IDO2: variants seen among roughly 807,000 people sequenced by gnomAD.
The protein encoded by IDO2 is indoleamine 2,3-dioxygenase 2.
IDO2 carries 46 observed loss-of-function variants against 45.1 expected under a neutral mutation model. The ratio of observed to expected loss-of-function variants is 1.02; its 90% CI spans 0.80 to 1.30. The LOEUF (loss-of-function observed/expected upper bound fraction) is 1.30, where lower values mean the gene tolerates loss of function less well. Among genes scored for constraint, IDO2 ranks in the 50% most tolerant of loss-of-function variants. The pLI is 0.00. For synonymous variants in IDO2, 218 were observed against 184.9 expected, an observed-to-expected ratio of 1.18 and a Z score of -1.45; for missense variants, 544 against 491.8, an observed-to-expected ratio of 1.11 and a Z score of -1.00.
intron 8 of IDO2, among the ~76,000 whole-genome samples, chr8:39,992,998 G>T (rs942789771): frequency 2.0e-5 from 3 of 151,958 alleles, no homozygotes; most frequent in African/African-American, 7.3e-5. Flanking sequence ...GAACCAGCCC[G>T]GTCTATTTTC....
At chr8:40,008,864 G>A (rs1802262140) in intron 9 of IDO2, among the ~76,000 whole-genome samples, 2 of 152,164 alleles carry the variant, frequency 1.3e-5, no homozygotes, top group Non-Finnish European at 2.9e-5. Context: ...TAGCTAAGTG[G>A]CCAGTACCGA....
intron 8 of IDO2, among the ~76,000 whole-genome samples, chr8:40,001,947 G>A (rs967984052): frequency 6.6e-6 from 1 of 152,060 alleles, no homozygotes; most frequent in South Asian, 2.1e-4. Context: ...CACCACACCA[G>A]TCTAATTTTT....
intron 8 of IDO2, among the ~76,000 whole-genome samples, chr8:39,990,147 A>G (rs1430970838): frequency 1.3e-5 from 2 of 152,172 alleles, no homozygotes; most frequent in Non-Finnish European, 2.9e-5. Context: ...TGGGATGCAC[A>G]GTAATGTTGG....
intron 6 of IDO2, chr8:39,986,293 C>G (rs964391501): frequency 1.3e-5 from 2 of 152,244 alleles, no homozygotes; most frequent in African/African-American, 4.8e-5. Flanking sequence ...CTCCGCTTCT[C>G]CTGGAAAACA....
chr8:40,014,264 G>C (rs1234495240), intron 10 of IDO2, among the ~76,000 whole-genome samples: 7 of 152,154 alleles, frequency 4.6e-5, no homozygotes, highest in Admixed American at 4.6e-4. Flanking sequence ...AGAAGAAAAA[G>C]AATCACCAGA....
Position 39,989,862 on chromosome 8 carries a change from A to C in IDO2, c.667+24A>C, listed in dbSNP as rs900951593. The C allele has an allele frequency of 2.0e-6, 3 of 1,513,508 alleles. No homozygotes were observed. The Admixed American group carries it at 5.8e-5, about 29-fold the overall frequency. The allele number at this position is 1,513,508 out of a possible 1,614,324, so 93.8% of individuals were successfully genotyped here. A position where few individuals can be genotyped will look rare whatever the true frequency, so the allele number is the denominator to read the frequency against. On this transcript the variant is annotated intron_variant, in intron 8 of 10. Coordinates refer to ENST00000502986, the Ensembl canonical transcript of IDO2. ...TGGTAAGATGCTTCCGAAGCTCCTGAAGGATCCCCCAGGGGTCCTGGGCTC... is the reference window on the plus strand; with the variant it reads ...TGGTAAGATGCTTCCGAAGCTCCTGCAGGATCCCCCAGGGGTCCTGGGCTC...
intron 8 of IDO2, among the ~76,000 whole-genome samples, chr8:40,004,290 T>C (rs1802181841): frequency 1.3e-5 from 2 of 151,922 alleles, no homozygotes; most frequent in South Asian, 2.1e-4. Flanking sequence ...TCAGAGAAAT[T>C]AGGGAGCAGG....
At chr8:39,971,121 T>C (rs2129594096) in intron 3 of IDO2, among the ~76,000 whole-genome samples, 1 of 152,260 alleles carries the variant, frequency 6.6e-6, no homozygotes, top group Non-Finnish European at 1.5e-5. Context: ...AGGCTGACTC[T>C]CTTGTTAGGG....
At chr8:39,949,402 G>A (rs1432914934) in intron 2 of IDO2, 138 bp downstream of exon 2, 2 of 630,150 alleles carry the variant, frequency 3.2e-6, no homozygotes, top group African/African-American at 1.9e-5. Flanking sequence ...ATGCTACAAA[G>A]AGCATAGATT....
intron 9 of IDO2, among the ~76,000 whole-genome samples, chr8:40,012,281 T>C (rs1802320756): frequency 6.6e-6 from 1 of 152,178 alleles, no homozygotes; most frequent in African/African-American, 2.4e-5. Context: ...TTTCTGGCTA[T>C]AGGAGGAAAA....
chr8:39,993,991 AGTGAGACTCT>A (rs1310727078), intron 8 of IDO2, among the ~76,000 whole-genome samples: 10 of 152,282 alleles, frequency 6.6e-5, no homozygotes, highest in African/African-American at 2.4e-4. Flanking sequence ...TGGGCGACAG[AGTGAGACTCT>A]GTCCCCAAAA....
At chr8:39,972,609 C>CAAAAAAAAA (rs35394460) in intron 3 of IDO2, among the ~76,000 whole-genome samples, 4 of 34,544 alleles carry the variant, frequency 1.2e-4, no homozygotes, top group African/African-American at 2.3e-4. Flanking sequence ...GACTCCATCT[C>CAAAAAAAAA]AAAAAAAAAA....
At chr8:39,937,342 G>A (rs1585391148) in intron 1 of IDO2, among the ~76,000 whole-genome samples, 1 of 152,058 alleles carries the variant, frequency 6.6e-6, no homozygotes, top group African/African-American at 2.4e-5. Context: ...AAATTGCAGT[G>A]TCTTTCATCT....
At chr8:39,982,556 G>A in intron 4 of IDO2, 96 bp from the exon 5 acceptor site, 1 of 779,330 alleles carries the variant, frequency 1.3e-6, no homozygotes, top group Non-Finnish European at 2.0e-6. Flanking sequence ...GATCATTTCT[G>A]TACCACAGGA....
In IDO2 at chr8:39,956,909, G is replaced by A. The variant is rs112438050; in HGVS notation, c.100-6699G>A. Among the ~76,000 whole-genome samples, 129 of 151,726 alleles carry A rather than the reference G, an allele frequency of 8.5e-4. 3 individuals are homozygous for A. The highest frequency in any genetic ancestry group is 3.4e-3 in the Middle Eastern group (1 of 294). On this transcript the variant is annotated intron_variant, in intron 2 of 10. Transcript: ENST00000502986. Reference sequence around the variant, plus strand: ...AAGACAAAAATCAGCCGGACGTGGTGGTATACACCTGTAGTCCCAGCTATT... The same window carrying A: ...AAGACAAAAATCAGCCGGACGTGGTAGTATACACCTGTAGTCCCAGCTATT...
intron 9 of IDO2, among the ~76,000 whole-genome samples, chr8:40,005,914 C>G (rs955994059): frequency 1.3e-5 from 2 of 152,056 alleles, no homozygotes; most frequent in African/African-American, 4.8e-5. Flanking sequence ...GAAGACAATC[C>G]CCTGAGTGGA....
chr8:40,015,684 G>T (rs1209411253), exon 11 of IDO2: 1 of 962,078 alleles, frequency 1.0e-6, no homozygotes, highest in Non-Finnish European at 1.6e-6. Flanking sequence ...TTCTGCCTGG[G>T]ATCATCCAGG....
intron 8 of IDO2, 76 bp downstream of exon 8, chr8:39,989,914 C>A: frequency 1.1e-6 from 1 of 886,584 alleles, no homozygotes; most frequent in Non-Finnish European, 1.7e-6. Context: ...GCCTGGGGAC[C>A]AGGCATGTCC....
intron 2 of IDO2, among the ~76,000 whole-genome samples, chr8:39,953,114 G>A (rs995345295): frequency 6.6e-5 from 10 of 152,076 alleles, no homozygotes; most frequent in African/African-American, 2.4e-4. Context: ...ATGTTGGTCA[G>A]GCTGGTCTTG....
Sources: gnomAD v4.1 joint callset for allele counts (sites outside exome capture counted in the v4.1 genomes callset) on GRCh38, gnomAD v4.1.1 for gene constraint, MANE v1.5 for transcripts, NCBI Gene and HGNC (gene_info 2026-07-23, HGNC 2026-07-21) for gene names.